GRIK2: variants seen among roughly 807,000 people sequenced by gnomAD.
GRIK2 encodes the protein glutamate receptor ionotropic, kainate 2.
In GRIK2, 32 loss-of-function variants were observed where a neutral mutation model predicts 100.3. The observed-to-expected ratio is 0.32, with a 90% confidence interval of 0.24 to 0.43. The LOEUF (loss-of-function observed/expected upper bound fraction) is 0.43, where lower values mean the gene tolerates loss of function less well. Ranked by LOEUF, GRIK2 falls within the 20% of genes least tolerant of loss-of-function variation. GRIK2 has a pLI of 1.00. For missense variants in GRIK2, 843 were observed against 1,114.9 expected (o/e 0.76, Z 3.47); for synonymous variants, 417 against 389.4 (o/e 1.07, Z -0.83).
Position 102,055,495 on chromosome 6 carries a change from T to C in GRIK2, c.2477T>C (p.Val826Ala). ...CAGAATATTGGTGGCATCTTCATTGTTCTGGCAGCCGGCTTGGTGCTTTCA... is the reference window on the plus strand; with the variant it reads ...CAGAATATTGGTGGCATCTTCATTGCTCTGGCAGCCGGCTTGGTGCTTTCA... ...GVQNIGGIFI[V>A]LAAGLVLSVF... Residue 826 changes from valine (V) to alanine (A), a missense_variant, in exon 16 of 17, where the codon GTT becomes GCT. Val to Ala is a moderately conservative substitution (Grantham distance 64, BLOSUM62 0). Around this residue, in one of 3 missense-constraint regions of GRIK2, gnomAD observed 237 missense variants for 388.0 expected, o/e 0.61. Coordinates refer to ENST00000369134, the MANE Select transcript of GRIK2 (RefSeq NM_021956.5). The C allele has an allele frequency of 6.2e-7, 1 of 1,613,834 alleles. No individual in the cohort carries two copies. The highest frequency in any genetic ancestry group is 8.5e-7 in the Non-Finnish European group (1 of 1,179,788).
At chr6:101,848,069 A>G (rs1260246674) in intron 10 of GRIK2, among the ~76,000 whole-genome samples, 3 of 152,032 alleles carry the variant, frequency 2.0e-5, no homozygotes, top group Non-Finnish European at 4.4e-5. Flanking sequence ...ATACGTAACA[A>G]TTCTGTAAGA....
chr6:101,512,745 C>T (rs772654884), intron 2 of GRIK2, among the ~76,000 whole-genome samples: 10 of 151,708 alleles, frequency 6.6e-5, no homozygotes, highest in South Asian at 2.1e-4. Context: ...GCATAAATGG[C>T]GTTTATGATC....
intron 5 of GRIK2, among the ~76,000 whole-genome samples, chr6:101,681,254 C>T (rs909451635): frequency 2.0e-5 from 3 of 151,902 alleles, no homozygotes; most frequent in African/African-American, 7.3e-5. Flanking sequence ...AAGTATTTAT[C>T]CCTGTTTTTT....
intron 11 of GRIK2, among the ~76,000 whole-genome samples, chr6:101,864,297 C>T (rs905777914): frequency 3.3e-5 from 5 of 152,144 alleles, no homozygotes; most frequent in Non-Finnish European, 5.9e-5. Flanking sequence ...AACGTAATGA[C>T]AGGAAGTAGG....
chr6:101,536,077 C>T (rs1775675838), intron 2 of GRIK2, among the ~76,000 whole-genome samples: 1 of 151,700 alleles, frequency 6.6e-6, no homozygotes, highest in African/African-American at 2.4e-5. Flanking sequence ...ACACTGATTA[C>T]CTTTTATTAA....
At chr6:101,914,634 C>A (rs1788978603) in intron 12 of GRIK2, among the ~76,000 whole-genome samples, 1 of 151,374 alleles carries the variant, frequency 6.6e-6, no homozygotes, top group African/African-American at 2.4e-5. Context: ...CCCCACCACA[C>A]CCAAGTGTTA....
chr6:101,827,380 A>G (rs1782400812), intron 10 of GRIK2, among the ~76,000 whole-genome samples: 1 of 151,962 alleles, frequency 6.6e-6, no homozygotes, highest in Non-Finnish European at 1.5e-5. Flanking sequence ...AATAATAAGC[A>G]TGGTTTATTA....
At chr6:101,568,648 A>T (rs958811019) in intron 2 of GRIK2, among the ~76,000 whole-genome samples, 3 of 152,086 alleles carry the variant, frequency 2.0e-5, no homozygotes, top group Non-Finnish European at 2.9e-5. Flanking sequence ...AACTCTTGGT[A>T]ATCTTACTGT....
At chr6:101,771,528 T>C (rs1398938539) in intron 7 of GRIK2, among the ~76,000 whole-genome samples, 1 of 151,168 alleles carries the variant, frequency 6.6e-6, no homozygotes, top group Non-Finnish European at 1.5e-5. Context: ...TTTTTATTTA[T>C]TATTATTTTT....
chr6:101,760,958 T>G (rs553636356), intron 7 of GRIK2, among the ~76,000 whole-genome samples: 1 of 151,786 alleles, frequency 6.6e-6, no homozygotes, highest in Admixed American at 6.6e-5. Context: ...ACATGTTAAA[T>G]AGTAATAAGA....
At chr6:101,406,286 C>T (rs1393811906) in intron 2 of GRIK2, among the ~76,000 whole-genome samples, 1 of 152,028 alleles carries the variant, frequency 6.6e-6, no homozygotes, top group Non-Finnish European at 1.5e-5. Flanking sequence ...AAGATAGCAG[C>T]ATTCAGATAT....
chr6:101,480,803 C>G (rs2128260977), intron 2 of GRIK2, among the ~76,000 whole-genome samples: 1 of 152,084 alleles, frequency 6.6e-6, no homozygotes, highest in African/African-American at 2.4e-5. Flanking sequence ...TTTGTTGGTC[C>G]TGGAAATATT....
chr6:101,782,582 C>G (rs1256445951), intron 7 of GRIK2, among the ~76,000 whole-genome samples: 2 of 152,064 alleles, frequency 1.3e-5, no homozygotes, highest in African/African-American at 4.8e-5. Context: ...TGTATATATC[C>G]TACATTTTCT....
intron 7 of GRIK2, among the ~76,000 whole-genome samples, chr6:101,749,579 G>A (rs1270906475): frequency 2.6e-5 from 4 of 151,942 alleles, no homozygotes; most frequent in African/African-American, 9.7e-5. Context: ...GATGATAGTA[G>A]TCTATCAATG....
chr6:101,686,045 T>C (rs1771666954), intron 6 of GRIK2, 135 bp from the exon 7 acceptor site: 1 of 584,514 alleles, frequency 1.7e-6, no homozygotes, highest in Admixed American at 3.0e-5. Context: ...ATCTTGGTGA[T>C]TTGTGATGTT....
chr6:101,433,858 T>G (rs1769562813), intron 2 of GRIK2, among the ~76,000 whole-genome samples: 1 of 152,164 alleles, frequency 6.6e-6, no homozygotes, highest in Admixed American at 6.5e-5. Flanking sequence ...TGATCACCAG[T>G]TGCTTATGTA....
intron 4 of GRIK2, 24 bp downstream of exon 4, chr6:101,626,661 G>A: frequency 6.3e-7 from 1 of 1,596,128 alleles, no homozygotes; most frequent in Non-Finnish European, 8.6e-7. Context: ...GTATCTTTTG[G>A]AGCTATGCTT....
At chr6:102,063,021 A>G (rs1771832467) in intron 16 of GRIK2, among the ~76,000 whole-genome samples, 1 of 150,790 alleles carries the variant, frequency 6.6e-6, no homozygotes, top group East Asian at 1.9e-4. Flanking sequence ...ATAGAGTCAG[A>G]AATTAATTGG....
intron 2 of GRIK2, among the ~76,000 whole-genome samples, chr6:101,550,131 C>T (rs894077061): frequency 2.6e-5 from 4 of 152,142 alleles, no homozygotes; most frequent in African/African-American, 7.2e-5. Flanking sequence ...TTTCTGCATT[C>T]TCCATTTTTT....
Sources: allele counts gnomAD v4.1 joint callset (sites outside exome capture counted in the v4.1 genomes callset), GRCh38; gene constraint gnomAD v4.1.1; regional missense constraint gnomAD v4.1.1; transcripts MANE v1.5; gene names NCBI Gene and HGNC (gene_info 2026-07-23, HGNC 2026-07-21).